Variants in NXPE2 observed in about 807,000 individuals in gnomAD.
NXPE2 encodes the protein NXPE family member 2.
A neutral mutation model predicts 34.4 loss-of-function variants in NXPE2; 34 were observed. The ratio of observed to expected loss-of-function variants is 0.99; its 90% confidence interval spans 0.75 to 1.31. The LOEUF is 1.31. NXPE2 is among the 40% of genes most tolerant of loss of function. The probability of loss-of-function intolerance (pLI) is 0.00; values close to 1 mark genes in which losing one functional copy is unlikely to be tolerated. For synonymous variants in NXPE2, 235 were observed against 231.3 expected (o/e 1.02, Z -0.15); for missense variants, 649 against 672.5 (o/e 0.97, Z 0.39).
the NXPE2 span, among the ~76,000 whole-genome samples, chr11:114,483,873 C>T: frequency 2.6e-5 from 4 of 152,150 alleles, no homozygotes; most frequent in Admixed American, 2.0e-4. Flanking sequence ...GTAGGAGTTC[C>T]ATCCCAAGAG....
At chr11:114,741,870 ATTT>A in the NXPE2 span, among the ~76,000 whole-genome samples, 3 of 152,126 alleles carry the variant, frequency 2.0e-5, no homozygotes, top group Non-Finnish European at 4.4e-5. Context: ...GTTTTCTTGA[ATTT>A]TTGTGTACCC....
chr11:114,732,309 A>C, the NXPE2 span, among the ~76,000 whole-genome samples: 1 of 152,184 alleles, frequency 6.6e-6, no homozygotes, highest in Non-Finnish European at 1.5e-5. Context: ...AATTTTGTTA[A>C]AATGTAATTG....
the NXPE2 span, among the ~76,000 whole-genome samples, chr11:114,585,481 T>G: frequency 6.6e-6 from 1 of 152,074 alleles, no homozygotes; most frequent in South Asian, 2.1e-4. Context: ...GGAGTCACTA[T>G]GCTTATATCA....
chr11:114,626,172 C>A, the NXPE2 span, among the ~76,000 whole-genome samples: 21 of 152,278 alleles, frequency 1.4e-4, no homozygotes, highest in African/African-American at 4.8e-4. Context: ...GTGGAGCCCA[C>A]CACAGCTTAA....
chr11:114,736,846 T>C, the NXPE2 span, among the ~76,000 whole-genome samples: 1 of 152,192 alleles, frequency 6.6e-6, no homozygotes, highest in African/African-American at 2.4e-5. Flanking sequence ...ATCTTCACAA[T>C]CCACATTCTT....
the NXPE2 span, among the ~76,000 whole-genome samples, chr11:114,534,350 A>T: frequency 0.23 from 34,442 of 152,060 alleles, 5,492 homozygotes; most frequent in African/African-American, 0.44. Context: ...CAGAGCAGAA[A>T]AACCGGAAAC....
the NXPE2 span, chr11:114,582,364 C>T: frequency 6.2e-7 from 1 of 1,614,068 alleles, no homozygotes; most frequent in Non-Finnish European, 8.5e-7. Flanking sequence ...GTGAGTGCAG[C>T]ACAGGGCATG....
the NXPE2 span, among the ~76,000 whole-genome samples, chr11:114,540,837 C>CTTTTTTTTTTTTTTTTT: frequency 4.2e-5 from 2 of 47,472 alleles, no homozygotes; most frequent in Non-Finnish European, 9.3e-5. Flanking sequence ...AGAAAGCCAT[C>CTTTTTTTTTTTTTTTTT]TTTTTTTTTT....
At chr11:114,530,024 G>A in the NXPE2 span, 1 of 733,464 alleles carries the variant, frequency 1.4e-6, no homozygotes, top group Admixed American at 2.8e-5. Flanking sequence ...TTGGCCTAGA[G>A]TGGTGAGTAG....
chr11:114,638,950 T>C, the NXPE2 span, among the ~76,000 whole-genome samples: 7 of 152,102 alleles, frequency 4.6e-5, no homozygotes, highest in Admixed American at 3.3e-4. Context: ...TCTGCCCATT[T>C]TCAGATCTCC....
the NXPE2 span, among the ~76,000 whole-genome samples, chr11:114,649,981 C>G: frequency 6.6e-6 from 1 of 152,036 alleles, no homozygotes; most frequent in Non-Finnish European, 1.5e-5. Flanking sequence ...AATATGCATC[C>G]CATAGAGTTC....
chr11:114,647,163 A>T, the NXPE2 span, among the ~76,000 whole-genome samples: 2 of 152,188 alleles, frequency 1.3e-5, no homozygotes, highest in Non-Finnish European at 2.9e-5. Context: ...AGTGATTCTC[A>T]TTACCTGAAT....
At chr11:114,554,637 T>A in the NXPE2 span, among the ~76,000 whole-genome samples, 1 of 152,104 alleles carries the variant, frequency 6.6e-6, no homozygotes, top group Non-Finnish European at 1.5e-5. Context: ...TTACAGTAAT[T>A]TCAAAGCAAT....
the NXPE2 span, among the ~76,000 whole-genome samples, chr11:114,545,525 G>A: frequency 6.6e-6 from 1 of 152,160 alleles, no homozygotes; most frequent in East Asian, 1.9e-4. Context: ...TGGTTCTATA[G>A]AGATCAAAAA....
rs956077670 is a variant in NXPE2 at position 114,706,954 on chromosome 11, A to G, written c.*24A>G. The stretch of plus-strand genomic sequence containing the variant: ...AGAGGAAAAATACAAAAATAGCACT[A>G]GCCACTTTCTATAGATGATCTCACA... On this transcript the variant is annotated 3_prime_UTR_variant, in exon 6 of 6. Transcript: ENST00000389586. 8 of 1,510,102 alleles carry G rather than the reference A, an allele frequency of 5.3e-6. No homozygotes were observed. Among genetic ancestry groups the G allele is most frequent in the Non-Finnish European group, 7.1e-6 (8 of 1,121,286 alleles). The allele number at this position is 1,510,102 out of a possible 1,614,324, so 93.5% of individuals were successfully genotyped here.
the NXPE2 span, among the ~76,000 whole-genome samples, chr11:114,671,815 C>G: frequency 6.6e-6 from 1 of 151,966 alleles, no homozygotes; most frequent in African/African-American, 2.4e-5. Context: ...AGTTTGAAAA[C>G]AAGTGACCAC....
the NXPE2 span, among the ~76,000 whole-genome samples, chr11:114,485,522 G>A: frequency 9.4e-5 from 14 of 149,470 alleles, no homozygotes; most frequent in Admixed American, 4.0e-4. Flanking sequence ...GAACCACCAC[G>A]CCTGGCCATT....
At chr11:114,697,702 T>C (rs1014256104) in intron 2 of NXPE2, among the ~76,000 whole-genome samples, 3 of 152,200 alleles carry the variant, frequency 2.0e-5, no homozygotes, top group African/African-American at 7.2e-5. Flanking sequence ...ATTGTTGATA[T>C]AGAAAATGAT....
chr11:114,780,565 G>A, the NXPE2 span, among the ~76,000 whole-genome samples: 2 of 152,210 alleles, frequency 1.3e-5, no homozygotes, highest in East Asian at 3.8e-4. Context: ...AAACAAGGTG[G>A]CAGGATGAAG....
Sources: allele counts gnomAD v4.1 joint callset (sites outside exome capture counted in the v4.1 genomes callset), GRCh38; gene constraint gnomAD v4.1.1; transcripts MANE v1.5; gene names NCBI Gene and HGNC (gene_info 2026-07-23, HGNC 2026-07-21).